DRD2: variants seen among roughly 807,000 people sequenced by gnomAD.
The protein encoded by DRD2 is dopamine receptor D2.
Under a neutral mutation model 38.0 loss-of-function variants are expected in DRD2, and 8 were observed. The observed-to-expected ratio is 0.21, with a 90% CI of 0.12 to 0.38. The LOEUF is 0.38. Among genes scored for constraint, DRD2 ranks in the 10% least tolerant of loss-of-function variants. The pLI, the probability that DRD2 is intolerant of heterozygous loss-of-function variation, is 1.00. For missense variants in DRD2, 403 were observed against 607.7 expected (o/e 0.66, Z 3.54); for synonymous variants, 230 against 238.6 (o/e 0.96, Z 0.33).
intron 2 of DRD2, among the ~76,000 whole-genome samples, chr11:113,419,692 CG>C (rs972167970): frequency 1.3e-5 from 2 of 152,166 alleles, no homozygotes; most frequent in African/African-American, 4.8e-5. Context: ...TCCCGCAACC[CG>C]GAGTAGGGCA....
rs942591216 is a variant in DRD2, at chr11:113,410,081, C to A, written c.*646G>T. 1.8e-5 allele frequency: 3 copies of A among 162,342 alleles called. No homozygotes were observed. Among genetic ancestry groups the A allele is most frequent in the Admixed American group, 5.7e-5 (1 of 17,416 alleles). The allele number at this position is 162,342 out of a possible 1,614,324, so 10.1% of individuals were successfully genotyped here. ...AAGATGAGGGCTCCTCTTCTCAGAG[C>A]ATGTGGAAACCACTTGGGGAGCTGT... On this transcript the variant is annotated 3_prime_UTR_variant, in exon 8 of 8. Coordinates refer to ENST00000362072, the MANE Select transcript of DRD2 (RefSeq NM_000795.4).
At chr11:113,471,586 G>A (rs569754732) in intron 1 of DRD2, among the ~76,000 whole-genome samples, 28 of 152,272 alleles carry the variant, frequency 1.8e-4, no homozygotes, top group African/African-American at 6.7e-4. Context: ...CATGGTTTCC[G>A]AGTGTTTCCT....
chr11:113,430,388 T>C (rs1950975200), intron 1 of DRD2, among the ~76,000 whole-genome samples: 1 of 152,078 alleles, frequency 6.6e-6, no homozygotes, highest in Non-Finnish European at 1.5e-5. Flanking sequence ...AAGAAAAAAA[T>C]GCCATCCAAC....
chr11:113,418,655 C>T (rs1005290635), intron 2 of DRD2, among the ~76,000 whole-genome samples: 2 of 152,164 alleles, frequency 1.3e-5, no homozygotes, highest in Non-Finnish European at 2.9e-5. Flanking sequence ...CCAGCCACCC[C>T]GTTTCTCTAA....
chr11:113,447,915 A>G (rs1267460538), intron 1 of DRD2, among the ~76,000 whole-genome samples: 2 of 152,208 alleles, frequency 1.3e-5, no homozygotes, highest in African/African-American at 2.4e-5. Context: ...TTGAGGGGCC[A>G]GTAGCTGAAG....
At chr11:113,445,566 G>A (rs1235739697) in intron 1 of DRD2, among the ~76,000 whole-genome samples, 3 of 152,206 alleles carry the variant, frequency 2.0e-5, no homozygotes, top group African/African-American at 7.2e-5. Context: ...TCCAGGCAAA[G>A]GGGAGGGTCC....
intron 5 of DRD2, among the ~76,000 whole-genome samples, chr11:113,415,063 G>A (rs985061717): frequency 2.0e-5 from 3 of 152,288 alleles, no homozygotes; most frequent in Admixed American, 1.3e-4. Context: ...GAAGGTAAAG[G>A]AAAGAGGATG....
intron 1 of DRD2, among the ~76,000 whole-genome samples, chr11:113,466,679 G>T (rs1485326863): frequency 6.6e-6 from 1 of 152,198 alleles, no homozygotes; most frequent in Non-Finnish European, 1.5e-5. Context: ...TGCAAGTAAA[G>T]TAGAGGGAGA....
chr11:113,454,326 T>C (rs1022389254), intron 1 of DRD2, among the ~76,000 whole-genome samples: 1 of 152,116 alleles, frequency 6.6e-6, no homozygotes, highest in African/African-American at 2.4e-5. Flanking sequence ...CACTCCAGCC[T>C]GGGCAATAGA....
chr11:113,432,123 A>G (rs1313495031), intron 1 of DRD2, among the ~76,000 whole-genome samples: 1 of 152,232 alleles, frequency 6.6e-6, no homozygotes, highest in Non-Finnish European at 1.5e-5. Flanking sequence ...GCTGACACCC[A>G]AACCTGACAT....
intron 1 of DRD2, among the ~76,000 whole-genome samples, chr11:113,426,732 A>C (rs1010071087): frequency 6.6e-6 from 1 of 152,210 alleles, no homozygotes; most frequent in Non-Finnish European, 1.5e-5. Flanking sequence ...GGAAAAGCAA[A>C]GTGCCTAATT....
intron 1 of DRD2, among the ~76,000 whole-genome samples, chr11:113,432,984 C>G (rs1423940862): frequency 6.6e-6 from 1 of 152,206 alleles, no homozygotes; most frequent in Non-Finnish European, 1.5e-5. Context: ...ATTCCCAAAG[C>G]CCTAGGCCAG....
rs200744960 is a variant in DRD2 at position 113,410,307 on chromosome 11, T to C, written c.*420A>G. The C allele has an allele frequency of 8.5e-6, 3 of 353,646 alleles. No homozygotes were observed. Among genetic ancestry groups the C allele is most frequent in the East Asian group, 1.2e-4 (2 of 16,862 alleles). The allele number at this position is 353,646 out of a possible 1,614,324, so 21.9% of individuals were successfully genotyped here. On this transcript the variant is annotated 3_prime_UTR_variant, in exon 8 of 8. Transcript: ENST00000362072. ...CCTGTGGGCCTTGCAGGGTGTGAAC[T>C]GTCCATCTCTCCCCACCGCCTGCTC...
At chr11:113,423,554 G>A (rs1483408141) in intron 2 of DRD2, among the ~76,000 whole-genome samples, 8 of 152,204 alleles carry the variant, frequency 5.3e-5, no homozygotes, top group African/African-American at 1.4e-4. Flanking sequence ...GATTACAGGC[G>A]TGAGCCACCG....
intron 1 of DRD2, among the ~76,000 whole-genome samples, chr11:113,467,088 G>T (rs1382386050): frequency 6.6e-6 from 1 of 152,092 alleles, no homozygotes; most frequent in African/African-American, 2.4e-5. Flanking sequence ...CCTCTGCCTG[G>T]GACCCTGGAA....
intron 1 of DRD2, among the ~76,000 whole-genome samples, chr11:113,427,973 G>C (rs1950954969): frequency 6.6e-6 from 1 of 152,150 alleles, no homozygotes; most frequent in African/African-American, 2.4e-5. Context: ...ACAGAGGAGA[G>C]ACCAAGTGGG....
chr11:113,448,700 C>T (rs1256847836), intron 1 of DRD2, among the ~76,000 whole-genome samples: 2 of 152,278 alleles, frequency 1.3e-5, no homozygotes, highest in East Asian at 1.9e-4. Context: ...ATTGTCACTT[C>T]CGAGAGGGGA....
intron 4 of DRD2, among the ~76,000 whole-genome samples, chr11:113,416,542 C>T (rs1950828951): frequency 6.6e-6 from 1 of 152,270 alleles, no homozygotes; most frequent in South Asian, 2.1e-4. Context: ...CATATACACA[C>T]ATGCAGTTTG....
At chr11:113,432,997 G>A (rs559497235) in intron 1 of DRD2, among the ~76,000 whole-genome samples, 78 of 152,302 alleles carry the variant, frequency 5.1e-4, no homozygotes, top group African/African-American at 1.5e-3. Flanking sequence ...TAGGCCAGGC[G>A]GCTGCAGACC....
Sources: gnomAD v4.1 joint callset for allele counts (sites outside exome capture counted in the v4.1 genomes callset) on GRCh38, gnomAD v4.1.1 for gene constraint, MANE v1.5 for transcripts, NCBI Gene and HGNC (gene_info 2026-07-23, HGNC 2026-07-21) for gene names.